HECW1: variants seen among roughly 807,000 people sequenced by gnomAD.
HECW1 encodes the protein E3 ubiquitin-protein ligase HECW1.
Under a neutral mutation model 182.3 loss-of-function variants are expected in HECW1, and 61 were observed. The ratio of observed to expected loss-of-function variants is 0.33; its 90% CI spans 0.27 to 0.41. HECW1 has a LOEUF of 0.41. Ranked by LOEUF, HECW1 falls within the 10% of genes least tolerant of loss-of-function variation. The pLI is 1.00. For synonymous variants in HECW1, 859 were observed against 832.6 expected, an observed-to-expected ratio of 1.03 and a Z score of -0.55; for missense variants, 1,739 against 2,108.9, an observed-to-expected ratio of 0.82 and a Z score of 3.44.
At chr7:43,239,441 C>T (rs1798674817) in intron 2 of HECW1, among the ~76,000 whole-genome samples, 2 of 152,056 alleles carry the variant, frequency 1.3e-5, no homozygotes, top group African/African-American at 2.4e-5. Flanking sequence ...GTTGGTCTGT[C>T]GGCAAATAGT....
chr7:43,509,311 A>G (rs936945097), intron 24 of HECW1, 190 bp downstream of exon 24: 22 of 513,518 alleles, frequency 4.3e-5, no homozygotes, highest in Non-Finnish European at 7.4e-5. Flanking sequence ...TGGATTTACC[A>G]AGGATGCTGA....
At chr7:43,553,938 C>A (rs2152960704) in intron 28 of HECW1, among the ~76,000 whole-genome samples, 1 of 152,336 alleles carries the variant, frequency 6.6e-6, no homozygotes, top group East Asian at 1.9e-4. Context: ...ACATAGATTT[C>A]TCCTCTCTCT....
intron 8 of HECW1, among the ~76,000 whole-genome samples, chr7:43,433,971 G>A (rs2076630207): frequency 6.6e-6 from 1 of 152,130 alleles, no homozygotes; most frequent in Non-Finnish European, 1.5e-5. Context: ...TCTTTCACTG[G>A]TGAAGTAAGA....
chr7:43,357,251 A>G (rs945684582), intron 5 of HECW1, among the ~76,000 whole-genome samples: 3 of 152,324 alleles, frequency 2.0e-5, no homozygotes, highest in East Asian at 1.9e-4. Flanking sequence ...GGAAATCAAT[A>G]TATCGAAGAG....
At chr7:43,285,953 G>A (rs538884089) in intron 3 of HECW1, among the ~76,000 whole-genome samples, 2 of 152,204 alleles carry the variant, frequency 1.3e-5, no homozygotes, top group Admixed American at 1.3e-4. Context: ...TTTTGGCAAA[G>A]GCCAGTGGTC....
chr7:43,324,047 A>G (rs919072372), intron 5 of HECW1, among the ~76,000 whole-genome samples: 1 of 151,864 alleles, frequency 6.6e-6, no homozygotes, highest in Non-Finnish European at 1.5e-5. Context: ...AAAAGAAAAA[A>G]AAAGGCTTGC....
rs1784890048 is a variant in HECW1 at position 43,114,529 on chromosome 7, G to T, written c.-32+138G>T. 4 of 744,388 alleles carry T rather than the reference G, an allele frequency of 5.4e-6. No homozygotes were observed. The South Asian group carries it at 7.4e-5, about 14-fold the overall frequency. The allele number at this position is 744,388 out of a possible 1,614,324, so 46.1% of individuals were successfully genotyped here. ...ATAGATTGTGGTAGAATTCCCTGTT[G>T]GTAGAATTCCCTGTTGCCTGTTCCC... On this transcript the variant is annotated intron_variant, in intron 2 of 29. Coordinates refer to ENST00000395891, the MANE Select transcript of HECW1 (RefSeq NM_015052.5).
chr7:43,187,907 A>C (rs1356192350), intron 2 of HECW1, among the ~76,000 whole-genome samples: 1 of 152,204 alleles, frequency 6.6e-6, no homozygotes, highest in Non-Finnish European at 1.5e-5. Flanking sequence ...GAATTTTTTC[A>C]CATGTGCAAC....
chr7:43,410,915 T>C (rs1008406897), intron 8 of HECW1, among the ~76,000 whole-genome samples: 1 of 152,136 alleles, frequency 6.6e-6, no homozygotes, highest in African/African-American at 2.4e-5. Context: ...AATCTAAATA[T>C]GGGTTTATTA....
chr7:43,476,239 G>A (rs577761288), intron 16 of HECW1, among the ~76,000 whole-genome samples: 32 of 152,198 alleles, frequency 2.1e-4, no homozygotes, highest in African/African-American at 7.0e-4. Flanking sequence ...GCAATGAAGG[G>A]TTATAAAACA....
intron 8 of HECW1, among the ~76,000 whole-genome samples, chr7:43,429,384 T>A (rs570330285): frequency 4.8e-4 from 71 of 146,878 alleles, no homozygotes; most frequent in African/African-American, 1.7e-3. Flanking sequence ...CTCAGCAGCA[T>A]GGTCTCCGGC....
intron 3 of HECW1, among the ~76,000 whole-genome samples, chr7:43,301,393 A>G (rs1806762733): frequency 1.3e-5 from 2 of 152,146 alleles, no homozygotes; most frequent in African/African-American, 2.4e-5. Flanking sequence ...AGGGGGGACC[A>G]TGCCCACCAC....
At chr7:43,333,429 T>C (rs1375098850) in intron 5 of HECW1, among the ~76,000 whole-genome samples, 1 of 152,266 alleles carries the variant, frequency 6.6e-6, no homozygotes, top group African/African-American at 2.4e-5. Flanking sequence ...GCATTTGTTA[T>C]GTATGGATGG....
At chr7:43,385,889 T>G (rs1405455303) in intron 6 of HECW1, among the ~76,000 whole-genome samples, 1 of 152,228 alleles carries the variant, frequency 6.6e-6, no homozygotes, top group African/African-American at 2.4e-5. Context: ...GATTCTCTGC[T>G]CAGTCTATTG....
intron 3 of HECW1, among the ~76,000 whole-genome samples, chr7:43,261,613 C>A: frequency 6.6e-6 from 1 of 152,116 alleles, no homozygotes; most frequent in Non-Finnish European, 1.5e-5. Context: ...TTACATGGTA[C>A]CTTCAGTTAA....
At position 43,118,825 on chromosome 7, in the gene HECW1, A is replaced by G. The variant is rs530960533; in HGVS notation, c.-32+4434A>G. 3 of 152,252 alleles carry G rather than the reference A, an allele frequency of 2.0e-5. No homozygotes were observed. The East Asian group carries it at 5.8e-4, about 29-fold the overall frequency. 9.4% of individuals were successfully genotyped at this position (152,252 alleles called of 1,614,324 possible). A position where few individuals can be genotyped will look rare whatever the true frequency, so the allele number is the denominator to read the frequency against. On this transcript the variant is annotated intron_variant, in intron 2 of 29. Transcript: ENST00000395891. Reference sequence around the variant, plus strand: ...CTACATGACCGGGCATAGGACCTGCATATAAAGAGGATGATGATAAGGAAA... The same window carrying G: ...CTACATGACCGGGCATAGGACCTGCGTATAAAGAGGATGATGATAAGGAAA...
At chr7:43,476,552 G>A (rs2078226271) in intron 16 of HECW1, among the ~76,000 whole-genome samples, 1 of 152,008 alleles carries the variant, frequency 6.6e-6, no homozygotes, top group Admixed American at 6.5e-5. Flanking sequence ...GAATATGTAA[G>A]AAAATATTGG....
intron 26 of HECW1, among the ~76,000 whole-genome samples, chr7:43,545,363 A>T (rs1230726199): frequency 6.6e-6 from 1 of 152,254 alleles, no homozygotes; most frequent in Non-Finnish European, 1.5e-5. Context: ...AAGATACAGA[A>T]GAACAATCCT....
chr7:43,214,120 A>G (rs1482508267), intron 2 of HECW1, among the ~76,000 whole-genome samples: 1 of 151,880 alleles, frequency 6.6e-6, no homozygotes. Flanking sequence ...TCTAATTGAA[A>G]TACACATATG....
Sources: gnomAD v4.1 joint callset for allele counts (sites outside exome capture counted in the v4.1 genomes callset) on GRCh38, gnomAD v4.1.1 for gene constraint, MANE v1.5 for transcripts, NCBI Gene and HGNC (gene_info 2026-07-23, HGNC 2026-07-21) for gene names.